Variants in ATP8B4 observed in about 807,000 individuals in gnomAD.
The protein encoded by ATP8B4 is probable phospholipid-transporting ATPase IM.
Under a neutral mutation model 145.6 loss-of-function variants are expected in ATP8B4, and 133 were observed. The observed-to-expected ratio is 0.91, with a 90% CI of 0.79 to 1.05. The LOEUF (loss-of-function observed/expected upper bound fraction) is 1.05. Among genes scored for constraint, ATP8B4 ranks in the 50% least tolerant of loss-of-function variants. ATP8B4 has a pLI of 0.00. For missense variants in ATP8B4, 1,458 were observed against 1,425.2 expected (o/e 1.02, Z -0.37); for synonymous variants, 507 against 492.9 (o/e 1.03, Z -0.38).
At chr15:49,976,550 A>G (rs1410834284) in intron 12 of ATP8B4, among the ~76,000 whole-genome samples, 2 of 152,184 alleles carry the variant, frequency 1.3e-5, no homozygotes, top group Non-Finnish European at 2.9e-5. Context: ...ACAGGCCTTA[A>G]GAATGGCATT....
chr15:49,972,488 G>A (rs536445874), intron 13 of ATP8B4, 94 bp downstream of exon 13: 48 of 1,207,216 alleles, frequency 4.0e-5, no homozygotes, highest in African/African-American at 3.2e-4. Context: ...GAAAGCCAGC[G>A]ACTGTTTTGG....
chr15:50,078,491 C>T (rs1383385052), intron 2 of ATP8B4, among the ~76,000 whole-genome samples: 1 of 151,440 alleles, frequency 6.6e-6, no homozygotes, highest in Admixed American at 6.6e-5. Context: ...GACGAAAGAA[C>T]AGATTGGATA....
chr15:49,878,402 C>T (rs1218391610), intron 24 of ATP8B4, among the ~76,000 whole-genome samples: 2 of 152,188 alleles, frequency 1.3e-5, no homozygotes, highest in African/African-American at 4.8e-5. Flanking sequence ...AAATGGGAGA[C>T]TGGAGTGAGC....
intron 23 of ATP8B4, among the ~76,000 whole-genome samples, chr15:49,890,084 T>G (rs1179765332): frequency 3.9e-5 from 6 of 152,230 alleles, no homozygotes; most frequent in Admixed American, 3.9e-4. Flanking sequence ...ATAAAATCTT[T>G]CCCAGACTGT....
chr15:50,072,122 C>A (rs923806141), intron 3 of ATP8B4, among the ~76,000 whole-genome samples: 1 of 151,930 alleles, frequency 6.6e-6, no homozygotes, highest in Admixed American at 6.6e-5. Flanking sequence ...TGGGAAAGAT[C>A]TGCCAATAGG....
At chr15:50,010,515 C>T (rs959386674) in intron 7 of ATP8B4, among the ~76,000 whole-genome samples, 1 of 151,752 alleles carries the variant, frequency 6.6e-6, no homozygotes, top group Non-Finnish European at 1.5e-5. Context: ...TATGTGAGAG[C>T]AGACTTTTTA....
At chr15:50,061,605 T>C (rs1356384981) in intron 3 of ATP8B4, among the ~76,000 whole-genome samples, 1 of 152,220 alleles carries the variant, frequency 6.6e-6, no homozygotes, top group East Asian at 1.9e-4. Context: ...ATTTAAAGCA[T>C]TCAATTCCAG....
intron 1 of ATP8B4, among the ~76,000 whole-genome samples, chr15:50,114,920 C>T (rs200361190): frequency 6.6e-6 from 1 of 152,208 alleles, no homozygotes; most frequent in Non-Finnish European, 1.5e-5. Flanking sequence ...TTATCAGGTG[C>T]CTACTCTATA....
At chr15:50,063,359 G>A (rs2053162529) in intron 3 of ATP8B4, among the ~76,000 whole-genome samples, 1 of 151,352 alleles carries the variant, frequency 6.6e-6, no homozygotes, top group Non-Finnish European at 1.5e-5. Context: ...CACTAGGGGA[G>A]CTTTAAAAAA....
chr15:49,926,040 CT>C, intron 16 of ATP8B4, among the ~76,000 whole-genome samples: 1 of 151,918 alleles, frequency 6.6e-6, no homozygotes, highest in East Asian at 1.9e-4. Flanking sequence ...TACTTGGGGT[CT>C]TTTTTTTATC....
intron 1 of ATP8B4, among the ~76,000 whole-genome samples, chr15:50,156,329 G>T (rs2044419500): frequency 6.6e-6 from 1 of 151,366 alleles, no homozygotes; most frequent in African/African-American, 2.4e-5. Flanking sequence ...ATTTATCTAG[G>T]CTTCTTTTCC....
intron 23 of ATP8B4, among the ~76,000 whole-genome samples, chr15:49,886,276 T>G (rs1379726209): frequency 6.6e-6 from 1 of 152,076 alleles, no homozygotes; most frequent in Non-Finnish European, 1.5e-5. Context: ...TCTCTGTGTC[T>G]TGGTTTCCTA....
chr15:50,064,946 C>T (rs375550755), intron 3 of ATP8B4, among the ~76,000 whole-genome samples: 110 of 152,222 alleles, frequency 7.2e-4, no homozygotes, highest in South Asian at 2.9e-3. Flanking sequence ...GGGGATGGTG[C>T]TAACCCACTC....
intron 1 of ATP8B4, among the ~76,000 whole-genome samples, chr15:50,141,186 C>T (rs2044203679): frequency 6.6e-6 from 1 of 152,082 alleles, no homozygotes; most frequent in Admixed American, 6.6e-5. Flanking sequence ...ACAGAAAGAG[C>T]GGCGACCTCC....
At chr15:49,888,190 C>T (rs1043495605) in intron 23 of ATP8B4, among the ~76,000 whole-genome samples, 2 of 152,194 alleles carry the variant, frequency 1.3e-5, no homozygotes, top group East Asian at 1.9e-4. Flanking sequence ...CCTGAGCACT[C>T]GTCCAGTCCT....
At position 49,934,091 on chromosome 15, in the gene ATP8B4, C is replaced by T. The variant is rs2041518424; in HGVS notation, c.1379G>A (p.Gly460Asp). The change falls in exon 15 of 28, where the codon GGT (glycine) becomes GAT (aspartate). Residue 460 changes from glycine to aspartate, a missense_variant. Gly to Asp is a moderately conservative substitution (Grantham distance 94). Coordinates refer to ENST00000284509, the MANE Select transcript of ATP8B4 (RefSeq NM_024837.4). ...AAGGAATTCATGAACTTTGGGATCA[C>T]CCATTTTAATGGATTCCATCAGATG... The part of the protein sequence containing the change: ...DHHLMESIKM[G>D]DPKVHEFLRL... 5 of 1,612,714 alleles carry T rather than the reference C, an allele frequency of 3.1e-6. No individual in the cohort carries two copies. In the South Asian group the frequency reaches 5.5e-5, roughly 18 times the overall value.
chr15:50,166,329 A>G (rs2044598371), intron 1 of ATP8B4, among the ~76,000 whole-genome samples: 1 of 152,214 alleles, frequency 6.6e-6, no homozygotes, highest in Admixed American at 6.5e-5. Flanking sequence ...ATCTCCATAA[A>G]TTCTTCAAGA....
Position 49,928,041 on chromosome 15 carries a change from C to A in ATP8B4, c.1642+3078G>T, listed in dbSNP as rs1013127669. Among the ~76,000 whole-genome samples, 3 of 152,202 alleles carry A rather than the reference C, an allele frequency of 2.0e-5. No homozygotes were observed. In the East Asian group the frequency reaches 5.8e-4, roughly 29 times the overall value. The stretch of plus-strand genomic sequence containing the variant: ...CCATGAGTAGGATATTCATAATTTA[C>A]AAAGTGCTGGGTTGAGTAGTATTTC... On this transcript the variant is annotated intron_variant, in intron 16 of 27. Transcript: ENST00000284509.
At chr15:49,998,026 T>C (rs1259551182) in intron 8 of ATP8B4, among the ~76,000 whole-genome samples, 1 of 151,864 alleles carries the variant, frequency 6.6e-6, no homozygotes, top group African/African-American at 2.4e-5. Flanking sequence ...TAAACAACTG[T>C]TCAAATAACT....
Sources: gnomAD v4.1 joint callset for allele counts (sites outside exome capture counted in the v4.1 genomes callset) on GRCh38, gnomAD v4.1.1 for gene constraint, MANE v1.5 for transcripts, NCBI Gene and HGNC (gene_info 2026-07-23, HGNC 2026-07-21) for gene names.